Variants in NKIRAS1 observed in about 807,000 individuals in gnomAD.
The protein encoded by NKIRAS1 is NF-kappa-B inhibitor-interacting Ras-like protein 1.
In NKIRAS1, 16 loss-of-function variants were observed where a neutral mutation model predicts 19.8. The ratio of observed to expected loss-of-function variants is 0.81; its 90% CI spans 0.55 to 1.23. The LOEUF (loss-of-function observed/expected upper bound fraction) is 1.23, where lower values mean the gene tolerates loss of function less well. Ranked by LOEUF, NKIRAS1 falls within the 50% of genes most tolerant of loss-of-function variation. NKIRAS1 has a pLI of 0.00. For synonymous variants in NKIRAS1, 88 were observed against 79.0 expected, an observed-to-expected ratio of 1.11 and a Z score of -0.61; for missense variants, 184 against 220.0, an observed-to-expected ratio of 0.84 and a Z score of 1.04.
At chr3:23,942,563 C>G (rs1351943621) in intron 1 of NKIRAS1, among the ~76,000 whole-genome samples, 10 of 152,104 alleles carry the variant, frequency 6.6e-5, no homozygotes, top group African/African-American at 2.4e-4. Flanking sequence ...TCCATATTAG[C>G]TGGGATTACA....
intron 4 of NKIRAS1, among the ~76,000 whole-genome samples, chr3:23,899,161 G>T (rs1266478731): frequency 6.6e-6 from 1 of 152,150 alleles, no homozygotes; most frequent in African/African-American, 2.4e-5. Context: ...GTTACCAAGG[G>T]TTAAGGTGGG....
At position 23,892,594 on chromosome 3, in the gene NKIRAS1, T is replaced by G. The variant is rs1021694287; in HGVS notation, c.*501A>C. On this transcript the variant is annotated 3_prime_UTR_variant, in exon 5 of 5. Transcript: ENST00000425478. The stretch of plus-strand genomic sequence containing the variant: ...AGCAAAATCTCCACAAGATGAAATT[T>G]AGCTTACTACCCCAAACTGTTCAAT... The G allele has an allele frequency of 2.0e-5, 3 of 152,270 alleles. No individual in the cohort carries two copies. Among genetic ancestry groups the G allele is most frequent in the Non-Finnish European group, 4.4e-5 (3 of 68,078 alleles). The allele number at this position is 152,270 out of a possible 1,614,324, so 9.4% of individuals were successfully genotyped here. A position where few individuals can be genotyped will look rare whatever the true frequency, so the allele number is the denominator to read the frequency against.
chr3:23,894,698 C>T (rs1701806845), intron 4 of NKIRAS1, among the ~76,000 whole-genome samples: 1 of 152,124 alleles, frequency 6.6e-6, no homozygotes, highest in South Asian at 2.1e-4. Context: ...CCTGCTTCCT[C>T]TATCACTCCC....
chr3:23,928,250 A>G (rs1325335748), intron 1 of NKIRAS1, among the ~76,000 whole-genome samples: 1 of 151,482 alleles, frequency 6.6e-6, no homozygotes, highest in Non-Finnish European at 1.5e-5. Flanking sequence ...AGATTGCACC[A>G]CTGCACTCCA....
At chr3:23,899,589 A>G (rs1702300674) in intron 4 of NKIRAS1, among the ~76,000 whole-genome samples, 1 of 152,220 alleles carries the variant, frequency 6.6e-6, no homozygotes, top group African/African-American at 2.4e-5. Flanking sequence ...AGTTCCAGAC[A>G]GGGAAACAAG....
At chr3:23,904,929 AT>A (rs1702874152) in intron 3 of NKIRAS1, among the ~76,000 whole-genome samples, 1 of 152,344 alleles carries the variant, frequency 6.6e-6, no homozygotes, top group Admixed American at 6.5e-5. Flanking sequence ...AGGTAGTTTC[AT>A]GCAATAGAAT....
chr3:23,900,621 G>C (rs142713538), intron 4 of NKIRAS1, among the ~76,000 whole-genome samples, 187 bp downstream of exon 4: 1 of 126,182 alleles, frequency 7.9e-6, no homozygotes, highest in East Asian at 2.3e-4. Context: ...TTGCCTGGGA[G>C]ACAGAGCGAG....
At chr3:23,923,617 T>G (rs1394569103) in intron 1 of NKIRAS1, 1 of 152,212 alleles carries the variant, frequency 6.6e-6, no homozygotes, top group Admixed American at 6.5e-5. Context: ...TTAAATTTCT[T>G]CCAATCTGTT....
At chr3:23,918,704 C>T (rs749598671), upstream of NKIRAS1, 78 of 1,142,126 alleles carry the variant, frequency 6.8e-5, no homozygotes, top group Non-Finnish European at 7.0e-5. Context: ...GTGATTTTTA[C>T]TAATCTTGGT....
chr3:23,932,148 T>C (rs1382477519), intron 1 of NKIRAS1, among the ~76,000 whole-genome samples: 1 of 152,134 alleles, frequency 6.6e-6, no homozygotes, highest in African/African-American at 2.4e-5. Context: ...GAAGTGATCA[T>C]AGAGTGACAG....
chr3:23,901,830 T>C (rs1157233181), intron 3 of NKIRAS1, among the ~76,000 whole-genome samples: 2 of 152,322 alleles, frequency 1.3e-5, no homozygotes, highest in South Asian at 2.1e-4. Context: ...CCCAGCACTT[T>C]GGGAGGCCTA....
upstream of NKIRAS1, chr3:23,919,166 ATTGACC>A: frequency 6.6e-7 from 1 of 1,511,896 alleles, no homozygotes; most frequent in South Asian, 1.1e-5. Context: ...AATGTGGGAG[ATTGACC>A]TTGGGCCTTT....
upstream of NKIRAS1, chr3:23,918,662 A>G (rs975999689): frequency 8.2e-6 from 12 of 1,467,482 alleles, no homozygotes; most frequent in African/African-American, 1.1e-4. Flanking sequence ...GATTGTACTT[A>G]GGTGAGCTGT....
intron 3 of NKIRAS1, among the ~76,000 whole-genome samples, chr3:23,910,220 C>G (rs1703546942): frequency 6.9e-6 from 1 of 144,974 alleles, no homozygotes; most frequent in African/African-American, 2.6e-5. Context: ...TGTAGTAACA[C>G]CATCTTGGCT....
rs759865821 is a variant in NKIRAS1, at chr3:23,910,938, A to C, written c.-17-17T>G. 1.3e-6 allele frequency: 2 copies of C among 1,554,724 alleles called. No homozygotes were observed. The highest frequency in any genetic ancestry group is 8.9e-7 in the Non-Finnish European group (1 of 1,126,298). On this transcript the variant is annotated splice_polypyrimidine_tract_variant and intron_variant, in intron 2 of 4. Transcript: ENST00000425478. Reference sequence around the variant, plus strand: ...AGGATATCACTGTGGAGAGAATAACAGGTCTTTTAAATTGTATACTGTTGA... The same window carrying C: ...AGGATATCACTGTGGAGAGAATAACCGGTCTTTTAAATTGTATACTGTTGA...
At chr3:23,938,333 C>G (rs1308125806) in intron 1 of NKIRAS1, among the ~76,000 whole-genome samples, 1 of 151,898 alleles carries the variant, frequency 6.6e-6, no homozygotes, top group Non-Finnish European at 1.5e-5. Flanking sequence ...TCTCAGCTGC[C>G]TGGGTAGCTG....
chr3:23,919,057 G>A, upstream of NKIRAS1: 1 of 639,490 alleles, frequency 1.6e-6, no homozygotes, highest in Non-Finnish European at 2.8e-6. Flanking sequence ...GATAGTCTAG[G>A]GAGAAATGCT....
rs72627088 is a variant in NKIRAS1, at chr3:23,927,727, G to A, written c.-139-16277C>T. ...GTGTAAACATACTATTTAGCTTCCC[G>A]AGGTTGATTATTAACTAAGCTAGGA... On this transcript the variant is annotated intron_variant, in intron 1 of 4. Transcript: ENST00000421515. This position sits in a 1 kb window ranked among gnomAD's most constrained non-coding sequence, Gnocchi z 4.0. Among the ~76,000 whole-genome samples, 547 of 152,224 alleles carry A rather than the reference G, an allele frequency of 3.6e-3. 16 individuals carry two copies. In the East Asian group the frequency reaches 0.05, roughly 14 times the overall value.
upstream of NKIRAS1, chr3:23,918,082 T>G (rs752195243): frequency 1.9e-6 from 3 of 1,573,486 alleles, no homozygotes; most frequent in Admixed American, 5.7e-5. Context: ...TCGAGAAAAG[T>G]TGGAAACCAG....
Sources: gnomAD v4.1 joint callset for allele counts (sites outside exome capture counted in the v4.1 genomes callset) on GRCh38, gnomAD v4.1.1 for gene constraint, Gnocchi (gnomAD v3.1) non-coding constraint, MANE v1.5 for transcripts, NCBI Gene and HGNC (gene_info 2026-07-23, HGNC 2026-07-21) for gene names.